The following OXR1 variants were observed in gnomAD, a reference collection of about 807,000 sequenced individuals.
OXR1 encodes the protein oxidation resistance 1.
OXR1 carries 41 observed loss-of-function variants against 104.6 expected under a neutral mutation model. The observed-to-expected ratio is 0.39, with a 90% CI of 0.31 to 0.51. The LOEUF (loss-of-function observed/expected upper bound fraction) is 0.51, where lower values mean the gene tolerates loss of function less well. Among genes scored for constraint, OXR1 ranks in the 20% least tolerant of loss-of-function variants. The pLI is 0.77. For missense variants in OXR1, 955 were observed against 1,031.9 expected (o/e 0.93, Z 1.02); for synonymous variants, 348 against 348.4 (o/e 1.00, Z 0.01).
At chr8:106,521,450 G>A (rs1044636039) in intron 3 of OXR1, among the ~76,000 whole-genome samples, 10 of 152,082 alleles carry the variant, frequency 6.6e-5, no homozygotes, top group African/African-American at 2.4e-4. Flanking sequence ...GTTCTCTTGT[G>A]ACCCGTCAGA....
intron 1 of OXR1, among the ~76,000 whole-genome samples, chr8:106,331,686 T>C (rs1022485400): frequency 2.6e-4 from 39 of 152,126 alleles, no homozygotes; most frequent in African/African-American, 9.2e-4. Flanking sequence ...ACACCTGTAA[T>C]CCCAGCCCTT....
chr8:106,446,107 G>T (rs1485988773), intron 2 of OXR1, among the ~76,000 whole-genome samples: 5 of 152,196 alleles, frequency 3.3e-5, no homozygotes, highest in African/African-American at 4.8e-5. Flanking sequence ...ATATGAGGGT[G>T]ATGAGAAGTG....
intron 3 of OXR1, among the ~76,000 whole-genome samples, chr8:106,650,381 C>T (rs1414681682): frequency 6.6e-6 from 1 of 152,144 alleles, no homozygotes; most frequent in Non-Finnish European, 1.5e-5. Flanking sequence ...ATGAGACATG[C>T]CTTAGGTATA....
chr8:106,536,923 T>G (rs1369541275), intron 3 of OXR1, among the ~76,000 whole-genome samples: 1 of 152,206 alleles, frequency 6.6e-6, no homozygotes, highest in Non-Finnish European at 1.5e-5. Flanking sequence ...ATCTGTTATC[T>G]GAAAAGCAGT....
At chr8:106,693,928 T>C (rs570247061) in intron 7 of OXR1, among the ~76,000 whole-genome samples, 2 of 152,200 alleles carry the variant, frequency 1.3e-5, no homozygotes, top group Admixed American at 1.3e-4. Flanking sequence ...TTTATGAGTA[T>C]TTGAAACACA....
At chr8:106,330,371 C>T (rs565916257) in intron 1 of OXR1, among the ~76,000 whole-genome samples, 1 of 152,260 alleles carries the variant, frequency 6.6e-6, no homozygotes, top group South Asian at 2.1e-4. Context: ...TATTCTGCAA[C>T]ACTGCAGAAT....
chr8:106,685,335 C>G (rs954981172), intron 6 of OXR1, among the ~76,000 whole-genome samples: 1 of 152,116 alleles, frequency 6.6e-6, no homozygotes, highest in Admixed American at 6.5e-5. Context: ...GCCTGTGTTT[C>G]AAACCCTAAA....
intron 6 of OXR1, among the ~76,000 whole-genome samples, chr8:106,691,961 A>G (rs1254904229): frequency 2.1e-5 from 3 of 142,602 alleles, no homozygotes; most frequent in Non-Finnish European, 4.5e-5. Context: ...AGAAGCGTAT[A>G]TATGTGTGTG....
At position 106,505,463 on chromosome 8, in the gene OXR1, GAGAC is replaced by G. The variant is rs781420671; in HGVS notation, c.24-13476_24-13473del. Among the ~76,000 whole-genome samples the G allele has an allele frequency of 3.4e-4, 51 of 152,166 alleles. 1 individual carries two copies. The highest frequency in any genetic ancestry group is 6.5e-4 in the Non-Finnish European group (44 of 68,022). On this transcript the variant is annotated intron_variant, in intron 2 of 16. Coordinates refer to ENST00000517566, the MANE Select transcript of OXR1 (RefSeq NM_001198533.2). ...CATCAGAGTGTCTAATGAAATGAGA[GAGAC>G]AGAACAAAGTGGACATGAACAAATC... is the stretch of plus-strand genomic sequence containing the variant.
intron 1 of OXR1, among the ~76,000 whole-genome samples, chr8:106,288,206 T>C (rs936512154): frequency 6.6e-6 from 1 of 152,144 alleles, no homozygotes; most frequent in African/African-American, 2.4e-5. Context: ...TGTGGGAGCC[T>C]CCTTAAATTT....
chr8:106,744,530 T>C (rs1490485399), intron 15 of OXR1, among the ~76,000 whole-genome samples: 3 of 152,240 alleles, frequency 2.0e-5, no homozygotes, highest in African/African-American at 7.2e-5. Flanking sequence ...ATTTAATGAC[T>C]AAGCTTAATG....
rs1816413019 is a variant in OXR1 at position 106,365,133 on chromosome 8, TAA to T, written c.23+5499_23+5500del. Among the ~76,000 whole-genome samples the T allele has an allele frequency of 3.3e-5, 5 of 151,774 alleles. No individual in the cohort carries two copies. The South Asian group carries it at 1.0e-3, about 32-fold the overall frequency. On this transcript the variant is annotated intron_variant, in intron 2 of 16. Transcript: ENST00000517566. Reference sequence around the variant, plus strand: ...TCTATTGTTGTCAAGAAGGAAAAAATAAAGAGAAAGGTTAGATATGAATATAA... The same window carrying T: ...TCTATTGTTGTCAAGAAGGAAAAAATAGAGAAAGGTTAGATATGAATATAA...
intron 2 of OXR1, among the ~76,000 whole-genome samples, chr8:106,481,965 T>C (rs2129752606): frequency 1.3e-5 from 2 of 152,068 alleles, no homozygotes; most frequent in South Asian, 4.1e-4. Flanking sequence ...GATACTGTTA[T>C]CAGAAAATTG....
chr8:106,405,677 C>T (rs1563758314), intron 2 of OXR1, among the ~76,000 whole-genome samples: 1 of 152,068 alleles, frequency 6.6e-6, no homozygotes, highest in African/African-American at 2.4e-5. Flanking sequence ...AGAATTGAGT[C>T]AACCCAGGTA....
At chr8:106,587,378 T>C (rs1441284672) in intron 3 of OXR1, among the ~76,000 whole-genome samples, 8 of 152,184 alleles carry the variant, frequency 5.3e-5, no homozygotes, top group African/African-American at 1.9e-4. Context: ...GAAATTATCC[T>C]CTAGGAGAGT....
intron 3 of OXR1, among the ~76,000 whole-genome samples, chr8:106,520,736 A>C (rs1040120660): frequency 1.3e-5 from 2 of 152,200 alleles, no homozygotes; most frequent in Non-Finnish European, 2.9e-5. Flanking sequence ...AATTACCACT[A>C]TCCTTCTCTC....
intron 2 of OXR1, among the ~76,000 whole-genome samples, chr8:106,392,136 G>T (rs1310521511): frequency 6.6e-6 from 1 of 152,172 alleles, no homozygotes; most frequent in East Asian, 1.9e-4. Context: ...GAGACCTTAG[G>T]ACTTACAAAT....
chr8:106,658,527 C>T (rs747030402), intron 3 of OXR1, among the ~76,000 whole-genome samples: 18 of 152,200 alleles, frequency 1.2e-4, no homozygotes, highest in Non-Finnish European at 2.4e-4. Context: ...CCAGTTATGA[C>T]GTCCGTGTTT....
At chr8:106,365,591 T>C (rs887494755) in intron 2 of OXR1, among the ~76,000 whole-genome samples, 4 of 152,234 alleles carry the variant, frequency 2.6e-5, no homozygotes, top group Non-Finnish European at 5.9e-5. Context: ...ATTCAAACTA[T>C]GCCTTTTCAA....
Sources: allele counts gnomAD v4.1 joint callset (sites outside exome capture counted in the v4.1 genomes callset), GRCh38; gene constraint gnomAD v4.1.1; transcripts MANE v1.5; gene names NCBI Gene and HGNC (gene_info 2026-07-23, HGNC 2026-07-21).